ERCC8: variants seen among roughly 807,000 people sequenced by gnomAD.
ERCC8 encodes DNA excision repair protein ERCC-8.
In ERCC8, 52 loss-of-function variants were observed where a neutral mutation model predicts 54.9. That is an observed-to-expected ratio of 0.95 (90% CI 0.76 to 1.19). The LOEUF (loss-of-function observed/expected upper bound fraction) is 1.19, where lower values mean the gene tolerates loss of function less well. ERCC8 is among the 50% of genes most tolerant of loss of function. ERCC8 has a pLI of 0.00. For missense variants in ERCC8, 514 were observed against 466.1 expected, an observed-to-expected ratio of 1.10 and a Z score of -0.95; for synonymous variants, 146 against 157.2, an observed-to-expected ratio of 0.93 and a Z score of 0.53.
rs560115248 is a variant in ERCC8, at chr5:60,931,012, G to C, written c.78-2053C>G. Among the ~76,000 whole-genome samples the C allele has an allele frequency of 2.0e-5, 3 of 152,118 alleles. No individual in the cohort carries two copies. In the South Asian group the frequency reaches 6.2e-4, roughly 32 times the overall value. ...TAATCCCAGCTACTCAGGAGGCTGA[G>C]GTGAGAAAATTGCTTGAACTCAGGG... On this transcript the variant is annotated intron_variant, in intron 1 of 11. Transcript: ENST00000676185.
At chr5:60,903,531 A>G (rs1439590113) in intron 6 of ERCC8, 117 bp downstream of exon 6, 1 of 1,531,118 alleles carries the variant, frequency 6.5e-7, no homozygotes, top group South Asian at 1.2e-5. Flanking sequence ...CTGAGTCTCA[A>G]CAACCAGCAC....
intron 4 of ERCC8, chr5:60,915,177 A>G (rs1749395646): frequency 6.6e-6 from 1 of 152,190 alleles, no homozygotes; most frequent in East Asian, 1.9e-4. Context: ...AGTGTTTAGA[A>G]TAACTTACTC....
chr5:60,939,382 C>T (rs1750188743), intron 1 of ERCC8, among the ~76,000 whole-genome samples: 1 of 151,972 alleles, frequency 6.6e-6, no homozygotes, highest in Non-Finnish European at 1.5e-5. Context: ...AATTTTTTTC[C>T]TGAAGGGAAA....
chr5:60,877,985 T>A (rs1355963937), intron 11 of ERCC8, among the ~76,000 whole-genome samples: 1 of 152,212 alleles, frequency 6.6e-6, no homozygotes, highest in African/African-American at 2.4e-5. Flanking sequence ...TTTTGCCCAT[T>A]CAGTATGATA....
At chr5:60,944,817 C>T in intron 1 of ERCC8, 115 bp downstream of exon 1, 1 of 741,050 alleles carries the variant, frequency 1.3e-6, no homozygotes, top group Non-Finnish European at 2.4e-6. Flanking sequence ...CATTAGAGGG[C>T]AAATAATAGT....
At chr5:60,934,864 A>T (rs1750018903) in intron 1 of ERCC8, among the ~76,000 whole-genome samples, 1 of 152,202 alleles carries the variant, frequency 6.6e-6, no homozygotes, top group Admixed American at 6.5e-5. Flanking sequence ...GCTGAAGATC[A>T]GCTAGCTGTA....
rs75776233 is a variant in ERCC8 at position 60,869,280 on chromosome 5, G to C, written c.*5335C>G. On this transcript the variant is annotated 3_prime_UTR_variant, in exon 12 of 12. Coordinates refer to ENST00000676185, the MANE Select transcript of ERCC8 (RefSeq NM_000082.4). ...CCCTTATTTAAGTACCTAATTTGAG[G>C]TTTTCCTTTCCATTGTGAAATAGTG... Among the ~76,000 whole-genome samples the C allele has an allele frequency of 7.8e-3, 1,182 of 152,122 alleles. 12 individuals carry two copies. Among genetic ancestry groups the C allele is most frequent in the South Asian group, 0.028 (135 of 4,814 alleles).
Position 60,868,154 on chromosome 5 carries a change from T to C in ERCC8, c.*6461A>G, listed in dbSNP as rs1388190931. Among the ~76,000 whole-genome samples the C allele has an allele frequency of 6.6e-6, 1 of 152,228 alleles. No individual in the cohort carries two copies. Among genetic ancestry groups the C allele is most frequent in the Non-Finnish European group, 1.5e-5 (1 of 68,034 alleles). The stretch of plus-strand genomic sequence containing the variant: ...GAGGTCACACCATTGCCCTCCAGCC[T>C]GGGCAACAAGACGAAACTAGTTCTG... On this transcript the variant is annotated 3_prime_UTR_variant, in exon 12 of 12. Transcript: ENST00000676185.
At chr5:60,944,902 C>T in intron 1 of ERCC8, 30 bp downstream of exon 1, 1 of 1,543,858 alleles carries the variant, frequency 6.5e-7, no homozygotes, top group Non-Finnish European at 9.0e-7. Flanking sequence ...TCTAACTGGC[C>T]TGTTAGCCAA....
Position 60,869,787 on chromosome 5 carries a change from G to C in ERCC8, c.*4828C>G, listed in dbSNP as rs1747824540. ...TTTTTTAAAACTAGGCATTTCATAG[G>C]TGTACCATAATGACTAGTTAAAAAT... On this transcript the variant is annotated 3_prime_UTR_variant, in exon 12 of 12. Coordinates refer to ENST00000676185, the MANE Select transcript of ERCC8 (RefSeq NM_000082.4). Among the ~76,000 whole-genome samples, 1 of 151,792 alleles carries C rather than the reference G, an allele frequency of 6.6e-6. No homozygotes were observed. The highest frequency in any genetic ancestry group is 2.1e-4 in the South Asian group (1 of 4,816).
At chr5:60,940,244 GA>G in intron 1 of ERCC8, among the ~76,000 whole-genome samples, 1 of 152,330 alleles carries the variant, frequency 6.6e-6, no homozygotes, top group East Asian at 1.9e-4. Context: ...TGAGGACTCT[GA>G]AAAGTAAACA....
intron 4 of ERCC8, among the ~76,000 whole-genome samples, chr5:60,910,744 T>G (rs1482788473): frequency 6.6e-6 from 1 of 152,178 alleles, no homozygotes; most frequent in East Asian, 1.9e-4. Flanking sequence ...CTAAATTTAC[T>G]TATATTAATT....
chr5:60,944,055 C>A (rs775772552), intron 1 of ERCC8, among the ~76,000 whole-genome samples: 2 of 152,160 alleles, frequency 1.3e-5, no homozygotes, highest in African/African-American at 4.8e-5. Context: ...AAAAGTACAA[C>A]TTGCTTCTTC....
chr5:60,934,249 T>A (rs1749999084), intron 1 of ERCC8, among the ~76,000 whole-genome samples: 1 of 152,202 alleles, frequency 6.6e-6, no homozygotes, highest in Non-Finnish European at 1.5e-5. Context: ...CAACATCTAC[T>A]ATATTTTGAT....
intron 10 of ERCC8, among the ~76,000 whole-genome samples, chr5:60,888,110 A>G (rs1300009408): frequency 1.3e-5 from 2 of 152,196 alleles, no homozygotes; most frequent in Non-Finnish European, 1.5e-5. Context: ...CCCCTCCCCA[A>G]CAAAACCGAA....
At chr5:60,884,523 G>GTTTTTT (rs71606648) in intron 11 of ERCC8, among the ~76,000 whole-genome samples, 52 of 128,114 alleles carry the variant, frequency 4.1e-4, no homozygotes, top group Non-Finnish European at 6.5e-4. Context: ...GTGTGTATGT[G>GTTTTTT]TTTTTTTTTT....
rs1258162667 is a variant in ERCC8 at position 60,873,234 on chromosome 5, T to C, written c.*1381A>G. On this transcript the variant is annotated 3_prime_UTR_variant, in exon 12 of 12. Coordinates refer to ENST00000676185, the MANE Select transcript of ERCC8 (RefSeq NM_000082.4). ...CTAGATTTAGTCATTCTATAATGTA[T>C]ATATGCTTCAAAACAGTATGTTGTA... Among the ~76,000 whole-genome samples the C allele has an allele frequency of 6.6e-6, 1 of 152,190 alleles. No individual in the cohort carries two copies. Among genetic ancestry groups the C allele is most frequent in the Non-Finnish European group, 1.5e-5 (1 of 68,034 alleles).
chr5:60,914,804 A>AG (rs1318560449), intron 4 of ERCC8, among the ~76,000 whole-genome samples: 3 of 151,448 alleles, frequency 2.0e-5, no homozygotes, highest in African/African-American at 7.3e-5. Flanking sequence ...AAAAAAAAAA[A>AG]AAAAAGGATA....
intron 11 of ERCC8, among the ~76,000 whole-genome samples, chr5:60,877,940 G>A (rs534098191): frequency 6.6e-6 from 1 of 152,280 alleles, no homozygotes; most frequent in African/African-American, 2.4e-5. Flanking sequence ...GGGCATCCCT[G>A]TCTTGTGCCT....
Sources: allele counts gnomAD v4.1 joint callset (sites outside exome capture counted in the v4.1 genomes callset), GRCh38; gene constraint gnomAD v4.1.1; transcripts MANE v1.5; gene names NCBI Gene and HGNC (gene_info 2026-07-23, HGNC 2026-07-21).